The following DIP2C variants were observed in gnomAD, a reference collection of about 807,000 sequenced individuals.
DIP2C encodes DIP2 acetate--CoA ligase C (putative), also known as disco-interacting protein 2 homolog C.
DIP2C carries 33 observed loss-of-function variants against 192.4 expected under a neutral mutation model. The ratio of observed to expected loss-of-function variants is 0.17; its 90% CI spans 0.13 to 0.23. DIP2C has a LOEUF of 0.23. Ranked by LOEUF, DIP2C falls within the 10% of genes least tolerant of loss-of-function variation. The probability of loss-of-function intolerance (pLI) is 1.00; values close to 1 mark genes in which losing one functional copy is unlikely to be tolerated. For missense variants in DIP2C, 1,537 were observed against 2,110.1 expected, an observed-to-expected ratio of 0.73 and a Z score of 5.32; for synonymous variants, 979 against 864.1, an observed-to-expected ratio of 1.13 and a Z score of -2.33.
intron 1 of DIP2C, among the ~76,000 whole-genome samples, chr10:520,656 T>G (rs1327867173): frequency 6.6e-6 from 1 of 152,202 alleles, no homozygotes; most frequent in African/African-American, 2.4e-5. Context: ...ACTCCCCCGC[T>G]GCTCCCAGAG....
intron 1 of DIP2C, among the ~76,000 whole-genome samples, chr10:566,573 A>G (rs1282908822): frequency 2.0e-5 from 3 of 152,242 alleles, no homozygotes; most frequent in African/African-American, 7.2e-5. Flanking sequence ...GACAGGTGTC[A>G]GCACCTTTTC....
At chr10:534,028 T>C (rs946415401) in intron 1 of DIP2C, among the ~76,000 whole-genome samples, 9 of 151,732 alleles carry the variant, frequency 5.9e-5, no homozygotes, top group Non-Finnish European at 1.3e-4. Context: ...GAACGTTCTA[T>C]TTATCAATGG....
intron 14 of DIP2C, among the ~76,000 whole-genome samples, chr10:386,570 A>C (rs953007915): frequency 2.6e-5 from 4 of 152,128 alleles, no homozygotes; most frequent in African/African-American, 9.6e-5. Context: ...TTATCCCCCA[A>C]CAGCATCCAG....
intron 1 of DIP2C, among the ~76,000 whole-genome samples, chr10:517,379 G>C (rs1588367659): frequency 6.6e-6 from 1 of 152,292 alleles, no homozygotes; most frequent in African/African-American, 2.4e-5. Context: ...GTCGAGGGCA[G>C]TCCTGAGTCA....
intron 1 of DIP2C, among the ~76,000 whole-genome samples, chr10:575,887 T>C (rs1850118152): frequency 6.6e-6 from 1 of 152,214 alleles, no homozygotes; most frequent in African/African-American, 2.4e-5. Flanking sequence ...TGGTCTTACC[T>C]GCGCCTCTCC....
chr10:552,246 A>G (rs1848630233), intron 1 of DIP2C, among the ~76,000 whole-genome samples: 1 of 152,230 alleles, frequency 6.6e-6, no homozygotes. Context: ...TTCCAGTAGC[A>G]AGACATTTTC....
intron 1 of DIP2C, among the ~76,000 whole-genome samples, chr10:495,312 C>T (rs184004924): frequency 1.3e-5 from 2 of 152,254 alleles, no homozygotes; most frequent in East Asian, 3.9e-4. Context: ...GTGGTAACTA[C>T]AGTTAATAAC....
At chr10:598,150 G>C (rs1024035756) in intron 1 of DIP2C, among the ~76,000 whole-genome samples, 3 of 152,198 alleles carry the variant, frequency 2.0e-5, no homozygotes, top group African/African-American at 7.2e-5. Flanking sequence ...GCAAAGAGTC[G>C]GAGACACCAG....
chr10:458,991 CAAAA>C (rs35681631), intron 3 of DIP2C, among the ~76,000 whole-genome samples: 2 of 102,736 alleles, frequency 1.9e-5, no homozygotes, highest in African/African-American at 3.6e-5. Context: ...TCAACTTTTT[CAAAA>C]AAAAAAAAAA....
intron 1 of DIP2C, among the ~76,000 whole-genome samples, chr10:623,815 G>A (rs1487887934): frequency 6.6e-6 from 1 of 152,082 alleles, no homozygotes; most frequent in Non-Finnish European, 1.5e-5. Flanking sequence ...CCGAGGGCTG[G>A]CCACTGCCCC....
intron 31 of DIP2C, among the ~76,000 whole-genome samples, chr10:321,147 C>T (rs1041075812): frequency 3.9e-5 from 6 of 152,202 alleles, no homozygotes; most frequent in African/African-American, 1.2e-4. Context: ...AAACAAACAC[C>T]CAATGTGTCT....
intron 1 of DIP2C, among the ~76,000 whole-genome samples, chr10:549,640 C>T (rs557737445): frequency 1.3e-5 from 2 of 151,752 alleles, no homozygotes; most frequent in Non-Finnish European, 2.9e-5. Context: ...GACCAGGTGC[C>T]GGGGGCTTCA....
At chr10:319,330 A>G (rs1026446309) in intron 31 of DIP2C, among the ~76,000 whole-genome samples, 11 of 152,254 alleles carry the variant, frequency 7.2e-5, no homozygotes, top group Non-Finnish European at 1.6e-4. Flanking sequence ...TTAATCCCAC[A>G]CAAAGCTACT....
At chr10:561,184 C>T (rs1474990821) in intron 1 of DIP2C, among the ~76,000 whole-genome samples, 1 of 152,164 alleles carries the variant, frequency 6.6e-6, no homozygotes, top group African/African-American at 2.4e-5. Flanking sequence ...AGGGCTGTAT[C>T]GTGGGCCATG....
At chr10:630,888 C>A (rs1854481202) in intron 1 of DIP2C, 1 of 152,344 alleles carries the variant, frequency 6.6e-6, no homozygotes, top group Admixed American at 6.5e-5. Context: ...CAGGGCCCGG[C>A]CCTTGGAGCA....
rs781404614 is a variant in DIP2C, at chr10:277,323, G to C, written c.*2C>G. On this transcript the variant is annotated 3_prime_UTR_variant, in exon 37 of 37. Transcript: ENST00000280886. Reference sequence around the variant, plus strand: ...AAAGTCCATGGAAGCCAAGAGACGAGACTACATGTTGTAGGCCACATAGAT... The same window carrying C: ...AAAGTCCATGGAAGCCAAGAGACGACACTACATGTTGTAGGCCACATAGAT... 1.2e-6 allele frequency: 2 copies of C among 1,613,650 alleles called. No individual in the cohort carries two copies. The highest frequency in any genetic ancestry group is 1.7e-5 in the Admixed American group (1 of 60,002).
At chr10:318,485 G>T (rs1348515386) in intron 31 of DIP2C, among the ~76,000 whole-genome samples, 4 of 152,256 alleles carry the variant, frequency 2.6e-5, no homozygotes, top group African/African-American at 9.6e-5. Context: ...ACTTCAAGGT[G>T]TGGTGTCCTC....
intron 3 of DIP2C, among the ~76,000 whole-genome samples, chr10:449,780 A>AT (rs1200768063): frequency 4.2e-4 from 59 of 139,202 alleles, no homozygotes; most frequent in South Asian, 2.8e-3. Context: ...TTAAAGTATA[A>AT]TTAAAAAAAA....
At chr10:502,488 T>C (rs1170001137) in intron 1 of DIP2C, among the ~76,000 whole-genome samples, 2 of 152,132 alleles carry the variant, frequency 1.3e-5, no homozygotes, top group African/African-American at 4.8e-5. Context: ...TAAGCTTCTA[T>C]GTTAAACTCA....
Sources: gnomAD v4.1 joint callset for allele counts (sites outside exome capture counted in the v4.1 genomes callset) on GRCh38, gnomAD v4.1.1 for gene constraint, MANE v1.5 for transcripts, NCBI Gene and HGNC (gene_info 2026-07-23, HGNC 2026-07-21) for gene names.